TSC22D1: variants seen among roughly 807,000 people sequenced by gnomAD.
The protein encoded by TSC22D1 is TSC22 domain family member 1, also known as TSC22 domain family protein 1.
Under a neutral mutation model 74.2 loss-of-function variants are expected in TSC22D1, and 9 were observed. The ratio of observed to expected loss-of-function variants is 0.12; its 90% CI spans 0.07 to 0.21. TSC22D1 has a LOEUF of 0.21. TSC22D1 is among the 10% of genes least tolerant of loss of function. The pLI is 1.00. For missense variants in TSC22D1, 1,427 were observed against 1,304.7 expected, an observed-to-expected ratio of 1.09 and a Z score of -1.44; for synonymous variants, 586 against 492.5, an observed-to-expected ratio of 1.19 and a Z score of -2.51.
intron 1 of TSC22D1, among the ~76,000 whole-genome samples, chr13:44,459,026 G>A (rs1384935451): frequency 6.6e-6 from 1 of 152,126 alleles, no homozygotes; most frequent in African/African-American, 2.4e-5. Flanking sequence ...AGTGGTAGAT[G>A]GCCTAAAGCC....
At chr13:44,514,927 T>C (rs1412692113) in intron 1 of TSC22D1, among the ~76,000 whole-genome samples, 1 of 152,122 alleles carries the variant, frequency 6.6e-6, no homozygotes, top group African/African-American at 2.4e-5. Flanking sequence ...TTAAAATTAC[T>C]CTGAGATACA....
intron 1 of TSC22D1, among the ~76,000 whole-genome samples, chr13:44,448,244 T>TA (rs1265180557): frequency 3.3e-5 from 5 of 152,142 alleles, no homozygotes; most frequent in Non-Finnish European, 7.4e-5. Context: ...CTATGAAAAA[T>TA]AGATGCTTTG....
At chr13:44,568,825 C>G (rs983766045) in intron 1 of TSC22D1, among the ~76,000 whole-genome samples, 1 of 152,096 alleles carries the variant, frequency 6.6e-6, no homozygotes, top group South Asian at 2.1e-4. Context: ...CAGATGAAAA[C>G]CTGGGAGTGG....
At chr13:44,517,774 T>TAC (rs745957780) in intron 1 of TSC22D1, among the ~76,000 whole-genome samples, 10 of 120,168 alleles carry the variant, frequency 8.3e-5, no homozygotes, top group African/African-American at 2.4e-4. Flanking sequence ...TATATATATA[T>TAC]ATACACATAT....
intron 1 of TSC22D1, among the ~76,000 whole-genome samples, chr13:44,563,636 T>A (rs369435818): frequency 6.6e-6 from 1 of 152,332 alleles, no homozygotes; most frequent in African/African-American, 2.4e-5. Context: ...TTCTCCCACC[T>A]GACACATTTT....
intron 1 of TSC22D1, among the ~76,000 whole-genome samples, chr13:44,480,837 T>G (rs1023297225): frequency 1.3e-5 from 2 of 152,200 alleles, no homozygotes; most frequent in Admixed American, 6.5e-5. Flanking sequence ...TTACATAGAT[T>G]GTATGCTTAC....
intron 1 of TSC22D1, among the ~76,000 whole-genome samples, chr13:44,556,116 T>C (rs188337853): frequency 6.6e-6 from 1 of 152,230 alleles, no homozygotes; most frequent in African/African-American, 2.4e-5. Context: ...GATACATCTT[T>C]ACTATTGTTA....
chr13:44,519,853 G>A (rs1278508600), intron 1 of TSC22D1, among the ~76,000 whole-genome samples: 12 of 151,946 alleles, frequency 7.9e-5, no homozygotes, highest in South Asian at 2.1e-4. Context: ...CCTCCAGCCC[G>A]TAAAAAAACC....
At chr13:44,504,358 T>A (rs1879348205) in intron 1 of TSC22D1, among the ~76,000 whole-genome samples, 1 of 152,028 alleles carries the variant, frequency 6.6e-6, no homozygotes, top group South Asian at 2.1e-4. Context: ...ATGCCTGTAA[T>A]CCCAGCACTT....
At chr13:44,497,217 T>C (rs1879017812) in intron 1 of TSC22D1, among the ~76,000 whole-genome samples, 1 of 152,154 alleles carries the variant, frequency 6.6e-6, no homozygotes, top group Non-Finnish European at 1.5e-5. Flanking sequence ...CATTCAGCCA[T>C]ATAAATAAAG....
chr13:44,556,536 G>T (rs183563177), intron 1 of TSC22D1, among the ~76,000 whole-genome samples: 6 of 147,764 alleles, frequency 4.1e-5, no homozygotes, highest in African/African-American at 1.2e-4. Context: ...AGAATGAGAC[G>T]CCATCTCAAA....
At chr13:44,494,406 A>AAAAAAAAAAAC (rs71070909) in intron 1 of TSC22D1, among the ~76,000 whole-genome samples, 1 of 136,306 alleles carries the variant, frequency 7.3e-6, no homozygotes, top group African/African-American at 2.7e-5. Context: ...AAAAAAAAAA[A>AAAAAAAAAAAC]GATTAGCCAA....
chr13:44,536,943 A>C lies in TSC22D1; in HGVS notation c.2912+36220T>G, dbSNP rs77122688. ...ATTTTTCTGAAAAAAAAAAAAAAAA[A>C]AAAAAAAAAAAAAAAACAAAAAAAA... On this transcript the variant is annotated intron_variant, in intron 1 of 2. Transcript: ENST00000458659. The C allele has an allele frequency of 1.5e-4, 143 of 930,940 alleles. 3 individuals are homozygous for C. The highest frequency in any genetic ancestry group is 2.5e-4 in the South Asian group (5 of 20,152). The allele number at this position is 930,940 out of a possible 1,614,324, so 57.7% of individuals were successfully genotyped here. A position where few individuals can be genotyped will look rare whatever the true frequency, so the allele number is the denominator to read the frequency against.
intron 1 of TSC22D1, among the ~76,000 whole-genome samples, chr13:44,571,936 TTTTC>T (rs1198642097): frequency 6.6e-6 from 1 of 152,158 alleles, no homozygotes; most frequent in African/African-American, 2.4e-5. Context: ...ATTTGACCTG[TTTTC>T]TTTTTCTAAA....
Position 44,539,528 on chromosome 13 carries a change from T to C in TSC22D1, c.2912+33635A>G, listed in dbSNP as rs184096986. 1.6e-5 allele frequency: 16 copies of C among 985,302 alleles called. No individual in the cohort carries two copies. In the East Asian group the frequency reaches 3.4e-4, roughly 21 times the overall value. The allele number at this position is 985,302 out of a possible 1,614,324, so 61.0% of individuals were successfully genotyped here. ...CGTTTTAAAATTCCTGTGGACTACA[T>C]AGGCATTCGTCAAATCATGTGCCCC... is the stretch of plus-strand genomic sequence containing the variant. On this transcript the variant is annotated intron_variant, in intron 1 of 2. Transcript: ENST00000458659.
intron 1 of TSC22D1, among the ~76,000 whole-genome samples, chr13:44,534,836 C>T (rs1373612344): frequency 6.6e-6 from 1 of 152,142 alleles, no homozygotes; most frequent in Non-Finnish European, 1.5e-5. Context: ...TTTCCTTTTG[C>T]TTTGCCAAAA....
At chr13:44,525,256 T>C (rs1444219321) in intron 1 of TSC22D1, among the ~76,000 whole-genome samples, 1 of 152,094 alleles carries the variant, frequency 6.6e-6, no homozygotes. Flanking sequence ...TCAACAGAGC[T>C]CCTGTAAAAC....
At chr13:44,436,359 GGTT>G (rs1216375254) in intron 1 of TSC22D1, 9 of 1,183,056 alleles carry the variant, frequency 7.6e-6, no homozygotes, top group Non-Finnish European at 1.1e-5. Flanking sequence ...GCAAAAATAA[GGTT>G]TTTTAACATT....
chr13:44,517,855 A>AT (rs1262351609), intron 1 of TSC22D1, among the ~76,000 whole-genome samples: 9 of 23,540 alleles, frequency 3.8e-4, no homozygotes, highest in African/African-American at 6.6e-4. Flanking sequence ...ATATATATAT[A>AT]TATTTTTTTT....
Sources: gnomAD v4.1 joint callset for allele counts (sites outside exome capture counted in the v4.1 genomes callset) on GRCh38, gnomAD v4.1.1 for gene constraint, MANE v1.5 for transcripts, NCBI Gene and HGNC (gene_info 2026-07-23, HGNC 2026-07-21) for gene names.